IGF2BP1: variants seen among roughly 807,000 people sequenced by gnomAD.
IGF2BP1 encodes the protein insulin like growth factor 2 mRNA binding protein 1, also known as insulin-like growth factor 2 mRNA-binding protein 1.
In IGF2BP1, 11 loss-of-function variants were observed where a neutral mutation model predicts 74.9. The ratio of observed to expected loss-of-function variants is 0.15; its 90% CI spans 0.09 to 0.24. The LOEUF (loss-of-function observed/expected upper bound fraction) is 0.24, where lower values mean the gene tolerates loss of function less well. Among genes scored for constraint, IGF2BP1 ranks in the 10% least tolerant of loss-of-function variants. The pLI is 1.00. For missense variants in IGF2BP1, 440 were observed against 757.4 expected (o/e 0.58, Z 4.92); for synonymous variants, 287 against 281.8 (o/e 1.02, Z -0.18).
chr17:49,026,336 G>A, intron 3 of IGF2BP1, 130 bp from the exon 4 acceptor site: 1 of 764,722 alleles, frequency 1.3e-6, no homozygotes, highest in Non-Finnish European at 2.3e-6. Flanking sequence ...CACTGGACAG[G>A]TAATAATGCT....
intron 2 of IGF2BP1, among the ~76,000 whole-genome samples, chr17:49,024,399 G>A (rs2144043981): frequency 6.6e-6 from 1 of 152,052 alleles, no homozygotes; most frequent in South Asian, 2.1e-4. Flanking sequence ...GGGTGACAGA[G>A]CACTTTACAA....
At chr17:49,037,302 C>T (rs1439653193) in intron 5 of IGF2BP1, 3 of 471,988 alleles carry the variant, frequency 6.4e-6, no homozygotes, top group Middle Eastern at 6.5e-4. Context: ...ATTGAAAGGA[C>T]GTCTAACTGC....
At chr17:49,024,093 T>TTTTTG (rs2041823875) in intron 2 of IGF2BP1, among the ~76,000 whole-genome samples, 1 of 141,428 alleles carries the variant, frequency 7.1e-6, no homozygotes, top group African/African-American at 2.6e-5. Context: ...ATTTTTTTTT[T>TTTTTG]TTTTTTTTTT....
At chr17:49,043,699 C>A in intron 10 of IGF2BP1, 149 bp downstream of exon 10, 1 of 1,042,434 alleles carries the variant, frequency 9.6e-7, no homozygotes, top group Non-Finnish European at 1.4e-6. Context: ...CTCCAGTGCT[C>A]CTAGCCACTG....
chr17:49,038,666 G>C (rs144289617), intron 6 of IGF2BP1, among the ~76,000 whole-genome samples: 1 of 152,082 alleles, frequency 6.6e-6, no homozygotes, highest in Non-Finnish European at 1.5e-5. Flanking sequence ...CCACACACTC[G>C]TATTAGCAAG....
chr17:49,034,674 T>C (rs1598150679), intron 5 of IGF2BP1, among the ~76,000 whole-genome samples: 1 of 149,586 alleles, frequency 6.7e-6, no homozygotes, highest in South Asian at 2.1e-4. Context: ...GAGGTGGAGG[T>C]TGCAGTGGGT....
rs1032710804 is a variant in IGF2BP1, at chr17:49,049,616, C to T, written c.*172C>T. 4 of 589,780 alleles carry T rather than the reference C, an allele frequency of 6.8e-6. No homozygotes were observed. Among genetic ancestry groups the T allele is most frequent in the South Asian group, 2.0e-5 (1 of 50,586 alleles). 36.5% of individuals were successfully genotyped at this position (589,780 alleles called of 1,614,324 possible). A position where few individuals can be genotyped will look rare whatever the true frequency, so the allele number is the denominator to read the frequency against. On this transcript the variant is annotated 3_prime_UTR_variant, in exon 15 of 15. Coordinates refer to ENST00000290341, the MANE Select transcript of IGF2BP1 (RefSeq NM_006546.4). ...GTTCCAGTGAGGAACCCTGATCTCT[C>T]AGCCCCAAACACCCACCCAATTGGC...
At chr17:49,002,406 T>C (rs1017452905) in intron 2 of IGF2BP1, among the ~76,000 whole-genome samples, 1 of 152,040 alleles carries the variant, frequency 6.6e-6, no homozygotes, top group Non-Finnish European at 1.5e-5. Context: ...AACCTAAAAA[T>C]TGTCTTCAGA....
intron 5 of IGF2BP1, among the ~76,000 whole-genome samples, chr17:49,033,734 T>TA (rs2041950659): frequency 6.6e-6 from 1 of 152,158 alleles, no homozygotes; most frequent in Admixed American, 6.5e-5. Context: ...TTTACAGACA[T>TA]ACCAAATATA....
intron 5 of IGF2BP1, among the ~76,000 whole-genome samples, chr17:49,035,272 A>G (rs1482262415): frequency 6.6e-6 from 1 of 152,224 alleles, no homozygotes; most frequent in African/African-American, 2.4e-5. Context: ...TTGGACTTCT[A>G]CCTTACACTG....
intron 2 of IGF2BP1, among the ~76,000 whole-genome samples, chr17:49,021,606 C>T (rs2041793281): frequency 6.6e-6 from 1 of 152,198 alleles, no homozygotes; most frequent in Non-Finnish European, 1.5e-5. Context: ...TGTTGGCACC[C>T]AGAAAAATAG....
At chr17:49,014,589 A>G (rs549828988) in intron 2 of IGF2BP1, among the ~76,000 whole-genome samples, 68 of 152,076 alleles carry the variant, frequency 4.5e-4, no homozygotes, top group African/African-American at 1.6e-3. Flanking sequence ...GGCCCTTGTC[A>G]GGGGAGAGAC....
At position 49,049,469 on chromosome 17, in the gene IGF2BP1, T is replaced by A. The variant is rs201990109; in HGVS notation, c.*25T>A. On this transcript the variant is annotated 3_prime_UTR_variant, in exon 15 of 15. Coordinates refer to ENST00000290341, the MANE Select transcript of IGF2BP1 (RefSeq NM_006546.4). ...ACCAGCCCCTCCCTGTCCCTTCGAG[T>A]CCAGGACAACAACGGGCAGAAATCG... 3.6e-5 allele frequency: 57 copies of A among 1,598,766 alleles called. No individual in the cohort carries two copies. In the African/African-American group the frequency reaches 4.8e-4, roughly 14 times the overall value.
intron 4 of IGF2BP1, among the ~76,000 whole-genome samples, chr17:49,029,891 C>T (rs1045159495): frequency 6.6e-6 from 1 of 151,366 alleles, no homozygotes; most frequent in Admixed American, 6.6e-5. Context: ...AAGTGATTCT[C>T]CCACCTCAGA....
chr17:48,997,718 G>T lies in IGF2BP1; in HGVS notation c.-28G>T, dbSNP rs2041424965. On this transcript the variant is annotated 5_prime_UTR_variant, in exon 1 of 15. Coordinates refer to ENST00000290341, the MANE Select transcript of IGF2BP1 (RefSeq NM_006546.4). This position sits in a 1 kb window ranked among gnomAD's most constrained non-coding sequence, Gnocchi z 4.8. ...CGCCCGCTCGTTCGGCCTTGCCCGG[G>T]ACCGCGTCCTGCCCCGAGACCGCCA... 6.2e-7 allele frequency: 1 copy of T among 1,605,814 alleles called. No homozygotes were observed. Among genetic ancestry groups the T allele is most frequent in the Non-Finnish European group, 8.5e-7 (1 of 1,175,330 alleles).
chr17:49,040,831 T>C (rs767114104), intron 7 of IGF2BP1, among the ~76,000 whole-genome samples: 9 of 152,240 alleles, frequency 5.9e-5, no homozygotes, highest in Non-Finnish European at 1.3e-4. Flanking sequence ...TTTAAATTGT[T>C]TTAAACTTTT....
chr17:49,049,265 C>T (rs2042139719), intron 14 of IGF2BP1, 87 bp from the exon 15 acceptor site: 1 of 1,041,792 alleles, frequency 9.6e-7, no homozygotes, highest in African/African-American at 1.6e-5. Context: ...TGTTTATTGC[C>T]TGTGTCTGGA....
At chr17:49,037,835 G>A (rs1205588071) in intron 5 of IGF2BP1, among the ~76,000 whole-genome samples, 5 of 152,076 alleles carry the variant, frequency 3.3e-5, no homozygotes, top group Non-Finnish European at 7.4e-5. Flanking sequence ...TGAGATCTAT[G>A]GCTTGCTCTT....
chr17:49,017,608 CATTT>C (rs1200461665), intron 2 of IGF2BP1, among the ~76,000 whole-genome samples: 8 of 151,892 alleles, frequency 5.3e-5, no homozygotes, highest in African/African-American at 1.9e-4. Context: ...ATTTCATATT[CATTT>C]ATTTATTATT....
Sources: allele counts gnomAD v4.1 joint callset (sites outside exome capture counted in the v4.1 genomes callset), GRCh38; gene constraint gnomAD v4.1.1; non-coding constraint Gnocchi (gnomAD v3.1); transcripts MANE v1.5; gene names NCBI Gene and HGNC (gene_info 2026-07-23, HGNC 2026-07-21).